CEP290: variants seen among roughly 807,000 people sequenced by gnomAD.
CEP290 encodes the protein centrosomal protein 290.
Under a neutral mutation model 344.9 loss-of-function variants are expected in CEP290, and 317 were observed. The ratio of observed to expected loss-of-function variants is 0.92; its 90% CI spans 0.84 to 1.01. The LOEUF is 1.01. Ranked by LOEUF, CEP290 falls within the 50% of genes least tolerant of loss-of-function variation. The probability of loss-of-function intolerance (pLI) is 0.00; values close to 1 mark genes in which losing one functional copy is unlikely to be tolerated. For missense variants in CEP290, 2,754 were observed against 2,761.4 expected (o/e 1.00, Z 0.06); for synonymous variants, 932 against 895.8 (o/e 1.04, Z -0.72).
At chr12:88,138,851 T>C (rs2040482787) in intron 5 of CEP290, among the ~76,000 whole-genome samples, 1 of 152,182 alleles carries the variant, frequency 6.6e-6, no homozygotes. Context: ...TTCGTCACTA[T>C]TCCTCAAATC....
intron 5 of CEP290, among the ~76,000 whole-genome samples, chr12:88,137,613 A>C (rs964821388): frequency 1.1e-4 from 16 of 152,090 alleles, no homozygotes; most frequent in African/African-American, 3.6e-4. Flanking sequence ...TGCTCTCTAA[A>C]ATTCTCTTCC....
At chr12:88,108,360 CTCT>C (rs1293631378) in intron 23 of CEP290, among the ~76,000 whole-genome samples, 5 of 152,234 alleles carry the variant, frequency 3.3e-5, no homozygotes, top group Admixed American at 1.3e-4. Context: ...AAAAATGCTC[CTCT>C]TCTTCAATGG....
rs2137049754 is a variant in CEP290 at position 88,077,265 on chromosome 12, T to C, written c.5666A>G (p.Glu1889Gly). The change falls in exon 41 of 54, where the codon GAG becomes GGG. Residue 1889 changes from glutamate to glycine, a missense_variant. Physicochemically the swap from Glu to Gly is moderately conservative, Grantham distance 98 (BLOSUM62 -2). Coordinates refer to ENST00000552810, the MANE Select transcript of CEP290 (RefSeq NM_025114.4). ...TAGGTCTACTTCCTCCACCTTTCCC[T>C]CTAATTGGTTCTCTAGTTTTTTAAC... ...RKVKKLENQL[E>G]GKVEEVDLKP... 6.2e-7 allele frequency: 1 copy of C among 1,605,830 alleles called. No individual in the cohort carries two copies.
chr12:88,057,977 A>G (rs1033035646), intron 49 of CEP290: 8 of 152,398 alleles, frequency 5.2e-5, no homozygotes, highest in Admixed American at 4.6e-4. Flanking sequence ...AAAGATGAGT[A>G]TGCCTTTTGA....
At chr12:88,141,093 C>A in intron 2 of CEP290, 60 bp from the exon 3 acceptor site, 1 of 1,373,782 alleles carries the variant, frequency 7.3e-7, no homozygotes, top group Admixed American at 2.8e-5. Flanking sequence ...AATATAAGAA[C>A]ACTTCCAGAT....
At chr12:88,049,458 C>T in intron 53 of CEP290, 44 bp from the exon 54 acceptor site, 4 of 1,001,092 alleles carry the variant, frequency 4.0e-6, no homozygotes, top group Non-Finnish European at 5.9e-6. Flanking sequence ...AGGAAATATA[C>T]ATATTTTACG....
chr12:88,079,850 T>C (rs1319299842), intron 38 of CEP290, among the ~76,000 whole-genome samples: 1 of 152,088 alleles, frequency 6.6e-6, no homozygotes, highest in African/African-American at 2.4e-5. Flanking sequence ...TTGTTAAAAA[T>C]AGCCTCAGTA....
chr12:88,086,071 C>T lies in CEP290; in HGVS notation c.4405G>A (p.Glu1469Lys). 6.2e-7 allele frequency: 1 copy of T among 1,612,466 alleles called. No homozygotes were observed. ...AGTGATTTGCAAGTTGCCCGTGTTT[C>T]TAGAATTATTCGAATGTTCTCCTTA... ...KIKENIRIILETRATCKSLEE... is the reference protein window; with the variant it reads ...KIKENIRIILKTRATCKSLEE... The change falls in exon 34 of 54, where the codon GAA becomes AAA. Residue 1469 changes from glutamate (E) to lysine (K), a missense_variant. By Grantham distance (56) the Glu-to-Lys change is moderately conservative (BLOSUM62 1). Transcript: ENST00000552810.
chr12:88,065,425 C>A (rs1262357508), intron 44 of CEP290, among the ~76,000 whole-genome samples: 1 of 152,154 alleles, frequency 6.6e-6, no homozygotes, highest in East Asian at 1.9e-4. Flanking sequence ...ATGTAAATCA[C>A]AGGAATACAT....
intron 26 of CEP290, among the ~76,000 whole-genome samples, chr12:88,097,594 T>TAC (rs775122104): frequency 0.028 from 3,312 of 118,744 alleles, 62 homozygotes; most frequent in Middle Eastern, 0.083. Context: ...CATATATATA[T>TAC]ACACACACAC....
rs989570760 is a variant in CEP290 at position 88,088,540 on chromosome 12, A to G, written c.4029+492T>C. 5.9e-5 allele frequency among the ~76,000 whole-genome samples: 9 copies of G among 152,186 alleles called. No homozygotes were observed. The South Asian group carries it at 8.3e-4, about 14-fold the overall frequency. ...CATTCCCACTAAAATCTTTGGTTAG[A>G]AAAGCCTAATTTTATTTTTACGTAT... is the stretch of plus-strand genomic sequence containing the variant. On this transcript the variant is annotated intron_variant, in intron 31 of 53. Coordinates refer to ENST00000552810, the MANE Select transcript of CEP290 (RefSeq NM_025114.4).
At chr12:88,059,809 C>T in intron 48 of CEP290, 89 bp downstream of exon 48, 2 of 1,034,430 alleles carry the variant, frequency 1.9e-6, no homozygotes, top group East Asian at 5.4e-5. Context: ...CCTTTACAGA[C>T]ACTCTCATCA....
chr12:88,102,731 T>C (rs766196338), intron 26 of CEP290, 107 bp downstream of exon 26: 3 of 811,646 alleles, frequency 3.7e-6, no homozygotes, highest in South Asian at 1.9e-5. Context: ...GTTAAATTTA[T>C]ATAAATGCAG....
Position 88,131,183 on chromosome 12 carries a change from G to C in CEP290, c.477C>G (p.Asn159Lys), listed in dbSNP as rs1326795517. The C allele has an allele frequency of 2.0e-6, 3 of 1,512,570 alleles. No individual in the cohort carries two copies. The highest frequency in any genetic ancestry group is 1.8e-6 in the Non-Finnish European group (2 of 1,136,428). The allele number at this position is 1,512,570 out of a possible 1,614,324, so 93.7% of individuals were successfully genotyped here. The change falls in exon 7 of 54, where the codon AAC becomes AAG. Residue 159 changes from asparagine to lysine, a missense_variant. Asn to Lys is a moderately conservative substitution (Grantham distance 94, BLOSUM62 0). Coordinates refer to ENST00000552810, the MANE Select transcript of CEP290 (RefSeq NM_025114.4). ...TTTTTACCTCTCTTCTTAATTTGCT[G>C]TTTTCATTTTCTGCCTCCTCATTTC... ...ALRNEEAENENSKLRRENKRL... is the reference protein window; with the variant it reads ...ALRNEEAENEKSKLRRENKRL...
chr12:88,139,431 C>T, intron 4 of CEP290, 64 bp downstream of exon 4: 1 of 1,039,374 alleles, frequency 9.6e-7, no homozygotes, highest in Non-Finnish European at 1.4e-6. Flanking sequence ...TAATTTTCTA[C>T]AGTTTAATGA....
At chr12:88,115,789 C>A in intron 18 of CEP290, 3 of 983,614 alleles carry the variant, frequency 3.0e-6, no homozygotes, top group Non-Finnish European at 3.6e-6. Context: ...AATACTAGCT[C>A]TCTCCGTAAC....
In CEP290 at chr12:88,090,804, A is replaced by G; in HGVS notation, c.3497T>C (p.Val1166Ala). The G allele has an allele frequency of 1.3e-6, 2 of 1,560,234 alleles. No homozygotes were observed. Among genetic ancestry groups the G allele is most frequent in the Non-Finnish European group, 1.7e-6 (2 of 1,150,300 alleles). ...REISDIARRQ[V>A]EILNAQQQSR... ...TTGTTGTTGTGCATTCAAAATTTCA[A>G]CTTGTCTTCTGGCAATATCAGAAAT... Residue 1166 changes from valine (V) to alanine (A), a missense_variant, in exon 30 of 54, where the codon GTT (valine) becomes GCT (alanine). Physicochemically the swap from Val to Ala is moderately conservative, Grantham distance 64. Transcript: ENST00000552810.
At chr12:88,124,355 CT>C (rs1411753776) in intron 13 of CEP290, among the ~76,000 whole-genome samples, 3 of 152,122 alleles carry the variant, frequency 2.0e-5, no homozygotes, top group Non-Finnish European at 4.4e-5. Flanking sequence ...CTTATTCCCA[CT>C]GCTTAGAGCC....
At chr12:88,086,879 A>G (rs1248051399) in intron 32 of CEP290, among the ~76,000 whole-genome samples, 1 of 152,210 alleles carries the variant, frequency 6.6e-6, no homozygotes, top group Non-Finnish European at 1.5e-5. Flanking sequence ...TCAATAATAA[A>G]CCAGTAAGTA....
Sources: allele counts gnomAD v4.1 joint callset (sites outside exome capture counted in the v4.1 genomes callset), GRCh38; gene constraint gnomAD v4.1.1; transcripts MANE v1.5; gene names NCBI Gene and HGNC (gene_info 2026-07-23, HGNC 2026-07-21).